The following LUZP2 variants were observed in gnomAD, a reference collection of about 807,000 sequenced individuals.
The protein encoded by LUZP2 is leucine zipper protein 2.
A neutral mutation model predicts 51.6 loss-of-function variants in LUZP2; 52 were observed. That is an observed-to-expected ratio of 1.01 (90% CI 0.81 to 1.27). LUZP2 has a LOEUF of 1.27. LUZP2 is among the 50% of genes most tolerant of loss of function. The pLI is 0.00. For missense variants in LUZP2, 436 were observed against 395.4 expected (o/e 1.10, Z -0.87); for synonymous variants, 154 against 137.3 (o/e 1.12, Z -0.85).
chr11:24,515,625 A>G (rs1340001199), intron 1 of LUZP2, among the ~76,000 whole-genome samples: 2 of 152,168 alleles, frequency 1.3e-5, no homozygotes, highest in African/African-American at 4.8e-5. Context: ...TATGGGTTTC[A>G]AAACGTAGAC....
chr11:24,898,304 C>A (rs1853150927), intron 5 of LUZP2, among the ~76,000 whole-genome samples: 1 of 151,904 alleles, frequency 6.6e-6, no homozygotes, highest in Non-Finnish European at 1.5e-5. Flanking sequence ...GGTAATCTGG[C>A]CAAATAGCAG....
At chr11:24,930,126 G>T (rs1056390612) in intron 7 of LUZP2, among the ~76,000 whole-genome samples, 1 of 152,122 alleles carries the variant, frequency 6.6e-6, no homozygotes, top group East Asian at 1.9e-4. Context: ...GAGTCTTTTT[G>T]TGTTGGGTGA....
chr11:25,034,367 G>C (rs945296941), intron 9 of LUZP2, among the ~76,000 whole-genome samples: 2 of 152,052 alleles, frequency 1.3e-5, no homozygotes, highest in African/African-American at 4.8e-5. Context: ...CTTCCATTCT[G>C]TAGGTTGTCT....
intron 5 of LUZP2, among the ~76,000 whole-genome samples, chr11:24,894,198 G>C (rs1173038231): frequency 1.4e-5 from 2 of 139,886 alleles, no homozygotes; most frequent in Admixed American, 1.4e-4. Context: ...TTTTGTGATG[G>C]AGTTTCATTC....
chr11:24,559,062 A>G (rs1851955711), intron 1 of LUZP2, among the ~76,000 whole-genome samples: 1 of 152,232 alleles, frequency 6.6e-6, no homozygotes, highest in Non-Finnish European at 1.5e-5. Flanking sequence ...TAGCATATAA[A>G]TAACTGGCTG....
chr11:24,877,247 A>G (rs1187058141), intron 5 of LUZP2, among the ~76,000 whole-genome samples: 5 of 152,120 alleles, frequency 3.3e-5, no homozygotes, highest in Non-Finnish European at 5.9e-5. Context: ...AATTCCTGCA[A>G]CTTTTCAAGT....
chr11:24,729,262 T>A lies in LUZP2; in HGVS notation c.156T>A (p.Leu52=). 6.4e-7 allele frequency: 1 copy of A among 1,555,842 alleles called. No individual in the cohort carries two copies. Among genetic ancestry groups the A allele is most frequent in the Non-Finnish European group, 8.8e-7 (1 of 1,141,662 alleles). Residue 52 remains leucine, a synonymous_variant, in exon 2 of 12, where the codon CTT becomes CTA. Coordinates refer to ENST00000336930, the MANE Select transcript of LUZP2 (RefSeq NM_001009909.4). ...AGCTGACAAAGACATCAAGAGAACT[T>A]GATGGAATTAAAGTCAATCTTCAGG... is the stretch of plus-strand genomic sequence containing the variant. ...LRQLTKTSRE[L]DGIKVNLQSL...
At chr11:24,709,567 A>T (rs148594364) in intron 1 of LUZP2, among the ~76,000 whole-genome samples, 1 of 152,166 alleles carries the variant, frequency 6.6e-6, no homozygotes. Flanking sequence ...GTGCAAAATT[A>T]TTGTTTAAGG....
intron 1 of LUZP2, among the ~76,000 whole-genome samples, chr11:24,614,691 G>C (rs2133893389): frequency 6.6e-6 from 1 of 152,020 alleles, no homozygotes; most frequent in South Asian, 2.1e-4. Context: ...TTTTCCTCGA[G>C]AAGGGACACA....
At chr11:24,816,433 G>A (rs755661012) in intron 5 of LUZP2, among the ~76,000 whole-genome samples, 6 of 152,026 alleles carry the variant, frequency 3.9e-5, no homozygotes, top group Non-Finnish European at 7.4e-5. Flanking sequence ...ATATAGTCAT[G>A]CTTATCCAAG....
At chr11:24,655,863 T>C (rs928033081) in intron 1 of LUZP2, among the ~76,000 whole-genome samples, 5 of 152,178 alleles carry the variant, frequency 3.3e-5, no homozygotes, top group African/African-American at 9.7e-5. Flanking sequence ...CTCTTAGATG[T>C]TGGGCATTTG....
chr11:24,767,748 G>A (rs1289997789), intron 5 of LUZP2, among the ~76,000 whole-genome samples: 1 of 151,968 alleles, frequency 6.6e-6, no homozygotes, highest in African/African-American at 2.4e-5. Flanking sequence ...TGCCTTCAAT[G>A]TTTATTTTGC....
At chr11:24,755,613 C>T (rs755293744) in intron 4 of LUZP2, among the ~76,000 whole-genome samples, 1 of 152,134 alleles carries the variant, frequency 6.6e-6, no homozygotes, top group Non-Finnish European at 1.5e-5. Context: ...TCTCAGCCAA[C>T]GGGATTCCAA....
chr11:24,859,192 TAA>T (rs1851659280), intron 5 of LUZP2, among the ~76,000 whole-genome samples: 1 of 152,208 alleles, frequency 6.6e-6, no homozygotes, highest in Non-Finnish European at 1.5e-5. Flanking sequence ...TGACTTATAT[TAA>T]GTCATCTTAT....
chr11:24,828,922 G>A (rs1255308260), intron 5 of LUZP2, among the ~76,000 whole-genome samples: 2 of 152,162 alleles, frequency 1.3e-5, no homozygotes, highest in African/African-American at 4.8e-5. Flanking sequence ...CTGCAGGTAG[G>A]AGAGGGACCA....
chr11:24,720,452 A>G (rs534875826), intron 1 of LUZP2, among the ~76,000 whole-genome samples: 181 of 152,342 alleles, frequency 1.2e-3, no homozygotes, highest in Non-Finnish European at 9.8e-4. Context: ...GTAATCATTA[A>G]TCATACATGT....
intron 7 of LUZP2, among the ~76,000 whole-genome samples, chr11:24,963,807 G>A (rs1042016864): frequency 6.6e-6 from 1 of 152,144 alleles, no homozygotes; most frequent in Non-Finnish European, 1.5e-5. Flanking sequence ...TCCCTAGTGA[G>A]ATGAACCCGG....
At chr11:24,749,911 C>T (rs1440595946) in intron 4 of LUZP2, among the ~76,000 whole-genome samples, 1 of 152,178 alleles carries the variant, frequency 6.6e-6, no homozygotes, top group African/African-American at 2.4e-5. Context: ...CTCTCTTCCC[C>T]AGCTTTCAGA....
At chr11:24,761,250 G>A (rs1051486703) in intron 4 of LUZP2, among the ~76,000 whole-genome samples, 3 of 152,088 alleles carry the variant, frequency 2.0e-5, no homozygotes, top group Non-Finnish European at 4.4e-5. Context: ...GCTGGAGTAG[G>A]CAGCTTCACA....
Sources: allele counts gnomAD v4.1 joint callset (sites outside exome capture counted in the v4.1 genomes callset), GRCh38; gene constraint gnomAD v4.1.1; transcripts MANE v1.5; gene names NCBI Gene and HGNC (gene_info 2026-07-23, HGNC 2026-07-21).